CNTNAP2: variants seen among roughly 807,000 people sequenced by gnomAD.
CNTNAP2 encodes contactin associated protein 2, also known as contactin-associated protein-like 2.
In CNTNAP2, 98 loss-of-function variants were observed where a neutral mutation model predicts 155.2. The ratio of observed to expected loss-of-function variants is 0.63; its 90% CI spans 0.54 to 0.75. The LOEUF is 0.75. Among genes scored for constraint, CNTNAP2 ranks in the 30% least tolerant of loss-of-function variants. The pLI, the probability that CNTNAP2 is intolerant of heterozygous loss-of-function variation, is 0.00. For missense variants in CNTNAP2, 1,727 were observed against 1,688.1 expected (o/e 1.02, Z -0.40); for synonymous variants, 651 against 631.2 (o/e 1.03, Z -0.47).
intron 8 of CNTNAP2, among the ~76,000 whole-genome samples, chr7:147,178,799 G>A (rs551695116): frequency 6.6e-6 from 1 of 152,238 alleles, no homozygotes; most frequent in Non-Finnish European, 1.5e-5. Flanking sequence ...TGTAGGTTAT[G>A]TTCGACCTTT....
chr7:146,573,007 C>A (rs1314925614), intron 1 of CNTNAP2, among the ~76,000 whole-genome samples: 1 of 152,102 alleles, frequency 6.6e-6, no homozygotes, highest in African/African-American at 2.4e-5. Flanking sequence ...GAGCACCCAA[C>A]AAATATTAAT....
chr7:147,548,026 G>T (rs563538245), intron 11 of CNTNAP2, among the ~76,000 whole-genome samples: 1 of 152,250 alleles, frequency 6.6e-6, no homozygotes, highest in East Asian at 1.9e-4. Flanking sequence ...ATTTTGGTTG[G>T]TTCTATGTCT....
intron 9 of CNTNAP2, among the ~76,000 whole-genome samples, chr7:147,327,731 T>G (rs1194435830): frequency 6.6e-6 from 1 of 152,156 alleles, no homozygotes; most frequent in Non-Finnish European, 1.5e-5. Flanking sequence ...AAAATATCTG[T>G]TCTGAGCTTA....
rs547419426 is a variant in CNTNAP2 at position 147,913,015 on chromosome 7, A to G, written c.2255+9294A>G. Among the ~76,000 whole-genome samples the G allele has an allele frequency of 2.4e-4, 37 of 152,350 alleles. 2 individuals are homozygous for G. In the South Asian group the frequency reaches 7.0e-3, roughly 29 times the overall value. ...CTCCTGTAGGACAACAGTCTAATGC[A>G]ATGTGTGCAGTGACAATATCAGTCA... is the stretch of plus-strand genomic sequence containing the variant. On this transcript the variant is annotated intron_variant, in intron 14 of 23. Transcript: ENST00000361727.
chr7:148,247,511 C>T (rs1433545942), intron 20 of CNTNAP2, among the ~76,000 whole-genome samples: 2 of 152,036 alleles, frequency 1.3e-5, no homozygotes, highest in Non-Finnish European at 2.9e-5. Context: ...CCTGAGACCA[C>T]TTTCCCCACA....
At chr7:147,058,635 C>G (rs1799606633) in intron 4 of CNTNAP2, among the ~76,000 whole-genome samples, 1 of 152,124 alleles carries the variant, frequency 6.6e-6, no homozygotes, top group African/African-American at 2.4e-5. Context: ...GAGATGGAGT[C>G]TCGCTCTGTC....
intron 10 of CNTNAP2, among the ~76,000 whole-genome samples, chr7:147,469,993 A>G (rs1194550004): frequency 2.0e-5 from 3 of 152,194 alleles, no homozygotes. Flanking sequence ...AATAGCAAAG[A>G]TGGCCGTTGT....
intron 16 of CNTNAP2, among the ~76,000 whole-genome samples, chr7:148,136,723 C>T (rs945609014): frequency 9.9e-5 from 15 of 152,040 alleles, no homozygotes; most frequent in African/African-American, 2.9e-4. Context: ...ATGAGTTTAA[C>T]CCCACCTGCA....
intron 15 of CNTNAP2, among the ~76,000 whole-genome samples, chr7:148,077,105 C>T (rs535918690): frequency 6.6e-5 from 10 of 151,918 alleles, no homozygotes; most frequent in Admixed American, 5.2e-4. Context: ...GTCGGGAGTT[C>T]GATACTAGCC....
At chr7:147,670,192 G>GT (rs1420805179) in intron 13 of CNTNAP2, among the ~76,000 whole-genome samples, 2 of 152,114 alleles carry the variant, frequency 1.3e-5, no homozygotes, top group African/African-American at 4.8e-5. Flanking sequence ...TTTTCTTCTT[G>GT]TTTTTTAAAT....
chr7:147,783,835 A>G (rs1212403969), intron 13 of CNTNAP2, among the ~76,000 whole-genome samples: 1 of 152,190 alleles, frequency 6.6e-6, no homozygotes, highest in Non-Finnish European at 1.5e-5. Context: ...GCATGCCTTC[A>G]CCAGACACTG....
intron 1 of CNTNAP2, among the ~76,000 whole-genome samples, chr7:146,742,747 T>C (rs1017471490): frequency 1.1e-4 from 17 of 152,186 alleles, no homozygotes; most frequent in Non-Finnish European, 1.6e-4. Context: ...ATGACTGATA[T>C]ACACAGTTTA....
chr7:146,995,579 A>G (rs776206233), intron 3 of CNTNAP2, among the ~76,000 whole-genome samples: 13 of 152,096 alleles, frequency 8.5e-5, no homozygotes, highest in Non-Finnish European at 1.6e-4. Flanking sequence ...CATTGCTGTG[A>G]TGAATAATGA....
chr7:146,630,450 G>C (rs548052481), intron 1 of CNTNAP2, among the ~76,000 whole-genome samples: 2 of 151,930 alleles, frequency 1.3e-5, no homozygotes, highest in Non-Finnish European at 2.9e-5. Flanking sequence ...ACATGTGTGT[G>C]CATGTGTCTT....
intron 13 of CNTNAP2, among the ~76,000 whole-genome samples, chr7:147,870,803 T>C (rs1399055007): frequency 1.3e-5 from 2 of 152,086 alleles, no homozygotes; most frequent in Non-Finnish European, 2.9e-5. Flanking sequence ...GGGATCCTCT[T>C]GTGGCATCTG....
At chr7:147,812,476 GA>G (rs367830393) in intron 13 of CNTNAP2, among the ~76,000 whole-genome samples, 114 of 141,684 alleles carry the variant, frequency 8.0e-4, no homozygotes, top group African/African-American at 2.1e-3. Context: ...ATATAAGTAG[GA>G]AAAAAAAAAC....
At chr7:148,047,492 G>A (rs73168569) in intron 15 of CNTNAP2, among the ~76,000 whole-genome samples, 36,502 of 151,902 alleles carry the variant, frequency 0.24, 4,646 homozygotes, top group Middle Eastern at 0.35. Flanking sequence ...AACACTGGAC[G>A]ACACTCAACA....
intron 13 of CNTNAP2, among the ~76,000 whole-genome samples, chr7:147,693,028 G>T (rs573355303): frequency 6.6e-6 from 1 of 151,992 alleles, no homozygotes; most frequent in Non-Finnish European, 1.5e-5. Flanking sequence ...GGGGTTCAAG[G>T]TGTATGTCTA....
At chr7:146,636,041 T>C (rs1182616171) in intron 1 of CNTNAP2, among the ~76,000 whole-genome samples, 1 of 152,004 alleles carries the variant, frequency 6.6e-6, no homozygotes, top group African/African-American at 2.4e-5. Flanking sequence ...TCACCAAACA[T>C]CTTGAACAAC....
Sources: gnomAD v4.1 joint callset for allele counts (sites outside exome capture counted in the v4.1 genomes callset) on GRCh38, gnomAD v4.1.1 for gene constraint, MANE v1.5 for transcripts, NCBI Gene and HGNC (gene_info 2026-07-23, HGNC 2026-07-21) for gene names.